The following ACCSL variants were observed in gnomAD, a reference collection of about 807,000 sequenced individuals.
The protein encoded by ACCSL is 1-aminocyclopropane-1-carboxylate synthase homolog (inactive) like.
In ACCSL, 55 loss-of-function variants were observed where a neutral mutation model predicts 61.7. The ratio of observed to expected loss-of-function variants is 0.89; its 90% CI spans 0.72 to 1.12. ACCSL has a LOEUF of 1.12. Ranked by LOEUF, ACCSL falls within the 50% of genes most tolerant of loss-of-function variation. The pLI, the probability that ACCSL is intolerant of heterozygous loss-of-function variation, is 0.00. For missense variants in ACCSL, 632 were observed against 698.0 expected, an observed-to-expected ratio of 0.91 and a Z score of 1.07; for synonymous variants, 258 against 264.3, an observed-to-expected ratio of 0.98 and a Z score of 0.23.
the ACCSL span, among the ~76,000 whole-genome samples, chr11:44,007,875 T>C: frequency 3.9e-5 from 6 of 152,040 alleles, no homozygotes; most frequent in African/African-American, 1.4e-4. Flanking sequence ...TAAGACAGTG[T>C]TGGGGGTGGT....
chr11:43,982,779 G>A, the ACCSL span, among the ~76,000 whole-genome samples: 2 of 152,294 alleles, frequency 1.3e-5, no homozygotes, highest in African/African-American at 4.8e-5. Flanking sequence ...GGAGGTTCAG[G>A]TCCCCAGAAG....
the ACCSL span, among the ~76,000 whole-genome samples, chr11:44,012,454 T>C: frequency 1.3e-5 from 2 of 151,998 alleles, no homozygotes; most frequent in African/African-American, 2.4e-5. Flanking sequence ...GTCCAGCAAA[T>C]TTTTGTATTT....
intron 9 of ACCSL, among the ~76,000 whole-genome samples, chr11:44,055,513 C>T (rs1346020742): frequency 1.3e-5 from 2 of 152,208 alleles, no homozygotes; most frequent in East Asian, 1.9e-4. Context: ...AGAAAGTCTA[C>T]TGTCAAAGGT....
chr11:44,027,474 C>G, the ACCSL span, among the ~76,000 whole-genome samples: 21 of 152,150 alleles, frequency 1.4e-4, no homozygotes, highest in Admixed American at 1.3e-3. Context: ...AGCTGAGTTC[C>G]TATGAAAATT....
At chr11:43,948,754 G>A in the ACCSL span, among the ~76,000 whole-genome samples, 3 of 152,294 alleles carry the variant, frequency 2.0e-5, no homozygotes, top group South Asian at 2.1e-4. Context: ...GATTACAGGT[G>A]TGAGTTACTT....
the ACCSL span, among the ~76,000 whole-genome samples, chr11:43,982,330 C>A: frequency 6.7e-6 from 1 of 149,076 alleles, no homozygotes; most frequent in African/African-American, 2.5e-5. Flanking sequence ...CAGGTTCTAG[C>A]GATTCTCGTG....
chr11:43,944,414 G>A, the ACCSL span: 1 of 156,612 alleles, frequency 6.4e-6, no homozygotes. Flanking sequence ...CTCCCTGACC[G>A]CAGTTGACCC....
At chr11:44,018,995 A>T in the ACCSL span, among the ~76,000 whole-genome samples, 1 of 151,970 alleles carries the variant, frequency 6.6e-6, no homozygotes, top group Non-Finnish European at 1.5e-5. Context: ...CCACTAATTC[A>T]TTTTCTGTCT....
the ACCSL span, among the ~76,000 whole-genome samples, chr11:43,982,975 G>GC: frequency 6.6e-6 from 1 of 152,188 alleles, no homozygotes; most frequent in Non-Finnish European, 1.5e-5. Flanking sequence ...CAGGCCTCCA[G>GC]CCCCTAGTCA....
the ACCSL span, among the ~76,000 whole-genome samples, chr11:44,014,011 A>G: frequency 6.6e-6 from 1 of 152,190 alleles, no homozygotes; most frequent in Non-Finnish European, 1.5e-5. Context: ...GAGGAAACTG[A>G]GGCCCAAAGC....
the ACCSL span, among the ~76,000 whole-genome samples, chr11:43,967,584 C>T: frequency 3.9e-5 from 6 of 152,052 alleles, no homozygotes; most frequent in East Asian, 7.7e-4. Flanking sequence ...CAGAGGTAAT[C>T]GTTTTATGAA....
At chr11:44,041,863 G>A in the ACCSL span, among the ~76,000 whole-genome samples, 49 of 152,138 alleles carry the variant, frequency 3.2e-4, no homozygotes, top group Non-Finnish European at 1.5e-4. Flanking sequence ...TGTTAAATAG[G>A]TACCATTCAT....
chr11:43,941,872 ATTG>A, the ACCSL span, among the ~76,000 whole-genome samples: 18 of 151,780 alleles, frequency 1.2e-4, no homozygotes, highest in Admixed American at 4.6e-4. Context: ...GGTAGCTATT[ATTG>A]TTGTTGTTGT....
the ACCSL span, among the ~76,000 whole-genome samples, chr11:43,993,525 G>A: frequency 0.28 from 42,804 of 151,956 alleles, 6,614 homozygotes; most frequent in South Asian, 0.35. Context: ...CAGTGACTAC[G>A]CCTACTTCCA....
chr11:44,040,240 C>T, the ACCSL span, among the ~76,000 whole-genome samples: 9,089 of 152,202 alleles, frequency 0.06, 504 homozygotes, highest in African/African-American at 0.14. Context: ...TAGTAGTTCT[C>T]AGTAGTTTGT....
the ACCSL span, among the ~76,000 whole-genome samples, chr11:43,923,647 A>T: frequency 4.6e-5 from 7 of 152,192 alleles, no homozygotes; most frequent in Non-Finnish European, 1.0e-4. Context: ...TACAGTGACT[A>T]ATGGTGCCTT....
chr11:43,960,235 A>C, the ACCSL span, among the ~76,000 whole-genome samples: 1 of 152,168 alleles, frequency 6.6e-6, no homozygotes, highest in Non-Finnish European at 1.5e-5. Flanking sequence ...AGCTGTCTTT[A>C]GTCTGCCATG....
At chr11:44,055,326 C>A (rs767033346) in intron 9 of ACCSL, 35 bp downstream of exon 9, 2 of 1,555,908 alleles carry the variant, frequency 1.3e-6, no homozygotes, top group Non-Finnish European at 1.8e-6. Flanking sequence ...GGAACGAGAA[C>A]CACAAGGTTC....
the ACCSL span, among the ~76,000 whole-genome samples, chr11:43,961,959 T>A: frequency 1.3e-5 from 2 of 152,220 alleles, no homozygotes; most frequent in African/African-American, 4.8e-5. Flanking sequence ...GCCCCTATGC[T>A]CAGGGCTGCT....
Sources: allele counts gnomAD v4.1 joint callset (sites outside exome capture counted in the v4.1 genomes callset), GRCh38; gene constraint gnomAD v4.1.1; transcripts MANE v1.5; gene names NCBI Gene and HGNC (gene_info 2026-07-23, HGNC 2026-07-21).